NRG3: variants seen among roughly 807,000 people sequenced by gnomAD.
The protein encoded by NRG3 is neuregulin 3.
A neutral mutation model predicts 66.9 loss-of-function variants in NRG3; 31 were observed. The ratio of observed to expected loss-of-function variants is 0.46; its 90% confidence interval spans 0.35 to 0.63. The LOEUF (loss-of-function observed/expected upper bound fraction) is 0.63, where lower values mean the gene tolerates loss of function less well. Among genes scored for constraint, NRG3 ranks in the 20% least tolerant of loss-of-function variants. NRG3 has a pLI of 0.00. For missense variants in NRG3, 910 were observed against 878.9 expected (o/e 1.04, Z -0.45); for synonymous variants, 393 against 359.4 (o/e 1.09, Z -1.06).
At chr10:82,844,176 T>C (rs1215950576) in intron 3 of NRG3, among the ~76,000 whole-genome samples, 1 of 152,176 alleles carries the variant, frequency 6.6e-6, no homozygotes, top group Non-Finnish European at 1.5e-5. Context: ...CTAGCTAATA[T>C]GTTCTGGTGA....
At chr10:82,389,458 C>G (rs1472488452) in intron 2 of NRG3, among the ~76,000 whole-genome samples, 1 of 152,156 alleles carries the variant, frequency 6.6e-6, no homozygotes, top group Non-Finnish European at 1.5e-5. Flanking sequence ...TTATGCATTA[C>G]TCTCATTTAT....
intron 1 of NRG3, among the ~76,000 whole-genome samples, chr10:82,264,756 A>G (rs893200791): frequency 6.6e-6 from 1 of 152,116 alleles, no homozygotes; most frequent in African/African-American, 2.4e-5. Flanking sequence ...ATATTTCAAG[A>G]ATGGAGGGAT....
chr10:82,448,562 GGATATCAAATTTGTGTTCAA>G (rs1159115979), intron 2 of NRG3, among the ~76,000 whole-genome samples: 1 of 151,974 alleles, frequency 6.6e-6, no homozygotes, highest in African/African-American at 2.4e-5. Context: ...ATAAACATAG[GGATATCAAATTTGTGTTCAA>G]AACATCTAAA....
rs114840377 is a variant in NRG3 at position 82,749,653 on chromosome 10, C to T, written c.1027+11003C>T. On this transcript the variant is annotated intron_variant, in intron 3 of 8. Coordinates refer to ENST00000372141, the MANE Select transcript of NRG3 (RefSeq NM_001010848.4). ...CTGAGATTTATCCATTGATGTAGCT[C>T]CCCCTCCACATCCCATATTCATAAT... Among the ~76,000 whole-genome samples the T allele has an allele frequency of 4.8e-3, 729 of 152,182 alleles. 4 individuals carry two copies. Among genetic ancestry groups the T allele is most frequent in the African/African-American group, 0.016 (672 of 41,516 alleles).
At chr10:82,150,265 C>A (rs567616953) in intron 1 of NRG3, among the ~76,000 whole-genome samples, 14 of 152,110 alleles carry the variant, frequency 9.2e-5, no homozygotes, top group Admixed American at 4.6e-4. Flanking sequence ...CGGTAAGTGC[C>A]CAGGAGCTGG....
chr10:82,259,072 C>A (rs1387714868), intron 1 of NRG3, among the ~76,000 whole-genome samples: 1 of 152,030 alleles, frequency 6.6e-6, no homozygotes, highest in Non-Finnish European at 1.5e-5. Flanking sequence ...AGAGCTCAGA[C>A]CTATTCTGTG....
chr10:82,003,951 A>G (rs1289705741), intron 1 of NRG3, among the ~76,000 whole-genome samples: 1 of 149,888 alleles, frequency 6.7e-6, no homozygotes, highest in African/African-American at 2.5e-5. Context: ...CCAGGAGTTC[A>G]AGTCCAGCCT....
At chr10:82,766,440 G>T (rs1467878710) in intron 3 of NRG3, among the ~76,000 whole-genome samples, 3 of 152,144 alleles carry the variant, frequency 2.0e-5, no homozygotes, top group South Asian at 4.1e-4. Context: ...TGTCTATAAA[G>T]ATCTGCTTAT....
chr10:82,732,167 C>T (rs1301166147), intron 2 of NRG3, among the ~76,000 whole-genome samples: 1 of 151,972 alleles, frequency 6.6e-6, no homozygotes, highest in African/African-American at 2.4e-5. Context: ...ATGTCATTAT[C>T]ATTCTTTAGT....
intron 1 of NRG3, among the ~76,000 whole-genome samples, chr10:82,269,519 C>G (rs1288402806): frequency 6.6e-6 from 1 of 152,146 alleles, no homozygotes; most frequent in Admixed American, 6.6e-5. Context: ...ACTCACTGAT[C>G]ATCTCCATCT....
At chr10:82,635,309 A>G (rs2050114081) in intron 2 of NRG3, among the ~76,000 whole-genome samples, 2 of 152,114 alleles carry the variant, frequency 1.3e-5, no homozygotes, top group Admixed American at 1.3e-4. Flanking sequence ...CCATAATCTA[A>G]AGACTCCAGC....
chr10:82,857,494 C>T (rs544271100), intron 3 of NRG3, among the ~76,000 whole-genome samples: 21 of 152,250 alleles, frequency 1.4e-4, no homozygotes, highest in African/African-American at 5.1e-4. Context: ...AAAAAGCTGT[C>T]GGTTCTGATG....
intron 1 of NRG3, among the ~76,000 whole-genome samples, chr10:82,002,427 G>A (rs190824925): frequency 1.1e-4 from 16 of 152,284 alleles, no homozygotes; most frequent in Admixed American, 2.0e-4. Flanking sequence ...GTCTGGGAAC[G>A]TTCAATGTGG....
At chr10:82,501,088 G>A (rs1369568224) in intron 2 of NRG3, among the ~76,000 whole-genome samples, 1 of 152,112 alleles carries the variant, frequency 6.6e-6, no homozygotes, top group Non-Finnish European at 1.5e-5. Flanking sequence ...AGAGGGGCTT[G>A]GTTGTAGGCT....
intron 3 of NRG3, among the ~76,000 whole-genome samples, chr10:82,770,353 C>G (rs942249091): frequency 6.6e-6 from 1 of 152,094 alleles, no homozygotes; most frequent in Non-Finnish European, 1.5e-5. Context: ...AGACACTATT[C>G]CTGGTGAAGA....
chr10:82,909,157 C>A (rs1407743497), intron 4 of NRG3, among the ~76,000 whole-genome samples: 1 of 152,216 alleles, frequency 6.6e-6, no homozygotes, highest in African/African-American at 2.4e-5. Flanking sequence ...CCTGCTGTAT[C>A]TGTTAATGTC....
chr10:82,532,382 G>A (rs1027137339), intron 2 of NRG3, among the ~76,000 whole-genome samples: 1 of 150,734 alleles, frequency 6.6e-6, no homozygotes, highest in Non-Finnish European at 1.5e-5. Context: ...AGGTTGAATA[G>A]TAATCCATTG....
At chr10:82,781,920 G>T (rs1591506420) in intron 3 of NRG3, among the ~76,000 whole-genome samples, 1 of 152,140 alleles carries the variant, frequency 6.6e-6, no homozygotes, top group Admixed American at 6.6e-5. Flanking sequence ...AATTACAGTG[G>T]TTTACAAGTA....
At chr10:82,388,602 A>G (rs1273316118) in intron 2 of NRG3, among the ~76,000 whole-genome samples, 2 of 152,230 alleles carry the variant, frequency 1.3e-5, no homozygotes, top group Non-Finnish European at 2.9e-5. Flanking sequence ...TATAACAAAC[A>G]TCCTGGCCTC....
Sources: gnomAD v4.1 joint callset for allele counts (sites outside exome capture counted in the v4.1 genomes callset) on GRCh38, gnomAD v4.1.1 for gene constraint, MANE v1.5 for transcripts, NCBI Gene and HGNC (gene_info 2026-07-23, HGNC 2026-07-21) for gene names.